Variants in MGME1 observed in about 807,000 individuals in gnomAD.
The protein encoded by MGME1 is mitochondrial genome maintenance exonuclease 1.
In MGME1, 22 loss-of-function variants were observed where a neutral mutation model predicts 33.0. That is an observed-to-expected ratio of 0.67 (90% CI 0.48 to 0.95). MGME1 has a LOEUF of 0.95. Ranked by LOEUF, MGME1 falls within the 40% of genes least tolerant of loss-of-function variation. The probability of loss-of-function intolerance (pLI) is 0.00; values close to 1 mark genes in which losing one functional copy is unlikely to be tolerated. For missense variants in MGME1, 383 were observed against 397.8 expected, an observed-to-expected ratio of 0.96 and a Z score of 0.32; for synonymous variants, 133 against 144.0, an observed-to-expected ratio of 0.92 and a Z score of 0.55.
At chr20:17,968,876 AG>A (rs2035628728), upstream of MGME1, 2 of 163,502 alleles carry the variant, frequency 1.2e-5, no homozygotes, top group African/African-American at 4.8e-5. Flanking sequence ...AGATCTCGTG[AG>A]AGCAGAAGGG....
chr20:17,979,815 C>T (rs1361641514), intron 3 of MGME1, among the ~76,000 whole-genome samples: 1 of 152,128 alleles, frequency 6.6e-6, no homozygotes, highest in Non-Finnish European at 1.5e-5. Flanking sequence ...ACTGCAGTCT[C>T]TAACTCCCCA....
Position 17,969,952 on chromosome 20 carries a change from C to G in MGME1, c.93C>G (p.Ser31=). The change falls in exon 2 of 5, where the codon TCC becomes TCG. Residue 31 remains serine (S), a synonymous_variant. Coordinates refer to ENST00000377710, the MANE Select transcript of MGME1 (RefSeq NM_052865.4). The stretch of plus-strand genomic sequence containing the variant: ...CTGCCCTTGTGGCTTTCTCTACTTC[C>G]TCTTACTCATGTGGCCGGAAGAAAA... ...ESAALVAFST[S]SYSCGRKKKV... is the part of the protein sequence containing the mutation. 6.2e-7 allele frequency: 1 copy of G among 1,614,200 alleles called. No homozygotes were observed. The highest frequency in any genetic ancestry group is 8.5e-7 in the Non-Finnish European group (1 of 1,180,028).
At chr20:17,979,642 T>G (rs2035956264) in intron 3 of MGME1, among the ~76,000 whole-genome samples, 1 of 150,344 alleles carries the variant, frequency 6.7e-6, no homozygotes, top group Admixed American at 6.6e-5. Flanking sequence ...GGTCTCGATC[T>G]CCTGACCTCG....
intron 2 of MGME1, among the ~76,000 whole-genome samples, chr20:17,972,974 C>T (rs2035767198): frequency 6.6e-6 from 1 of 152,146 alleles, no homozygotes; most frequent in Non-Finnish European, 1.5e-5. Context: ...AGTAGAATAA[C>T]TTAGTTCCTA....
At chr20:17,989,174 T>A (rs969281645) in intron 4 of MGME1, among the ~76,000 whole-genome samples, 10 of 151,832 alleles carry the variant, frequency 6.6e-5, no homozygotes, top group African/African-American at 2.4e-4. Context: ...TCACCTGATG[T>A]CAGGAGTTCA....
At chr20:17,984,547 TAAAC>T (rs949621172) in intron 3 of MGME1, among the ~76,000 whole-genome samples, 2 of 152,152 alleles carry the variant, frequency 1.3e-5, no homozygotes, top group African/African-American at 4.8e-5. Context: ...ATAATGGTAA[TAAAC>T]AACTATTACT....
In MGME1 at chr20:17,990,877, T is replaced by G. The variant is rs750119305; in HGVS notation, c.*768T>G. On this transcript the variant is annotated 3_prime_UTR_variant, in exon 5 of 5. Transcript: ENST00000377710. The stretch of plus-strand genomic sequence containing the variant: ...AGTCAATTATTGTTTGTGGAGTTTT[T>G]CAGCTATAGGGGAGGGGAACTATTA... 3 of 152,202 alleles carry G rather than the reference T, an allele frequency of 2.0e-5. No individual in the cohort carries two copies. The highest frequency in any genetic ancestry group is 6.5e-5 in the Admixed American group (1 of 15,276). 9.4% of individuals were successfully genotyped at this position (152,202 alleles called of 1,614,324 possible).
At chr20:17,968,632 C>A (rs1001632730), upstream of MGME1, 11 of 620,302 alleles carry the variant, frequency 1.8e-5, no homozygotes, top group Non-Finnish European at 2.6e-5. Context: ...CGTGCTCCCC[C>A]AGAGCAGCCT....
chr20:17,972,841 C>T, intron 2 of MGME1: 3 of 916,044 alleles, frequency 3.3e-6, no homozygotes, highest in Non-Finnish European at 3.9e-6. Flanking sequence ...TCTTCTGCTT[C>T]ATTAACCTAG....
intron 4 of MGME1, among the ~76,000 whole-genome samples, chr20:17,988,781 C>T (rs6136251): frequency 0.28 from 42,505 of 151,420 alleles, 6,200 homozygotes; most frequent in East Asian, 0.43. Flanking sequence ...CATTGCTTAA[C>T]GTCTTCCTTG....
chr20:17,980,199 T>C (rs2035974620), intron 3 of MGME1, among the ~76,000 whole-genome samples: 1 of 151,960 alleles, frequency 6.6e-6, no homozygotes, highest in South Asian at 2.1e-4. Flanking sequence ...CTCATTTTTG[T>C]ATTTTTCATA....
At chr20:17,981,060 C>G (rs1391999976) in intron 3 of MGME1, among the ~76,000 whole-genome samples, 3 of 152,132 alleles carry the variant, frequency 2.0e-5, no homozygotes, top group South Asian at 4.1e-4. Context: ...CTACCTCCTT[C>G]TAGTCTGCCT....
chr20:17,976,449 G>T (rs1257138772), intron 3 of MGME1, among the ~76,000 whole-genome samples: 1 of 151,956 alleles, frequency 6.6e-6, no homozygotes. Flanking sequence ...CCCTAACATG[G>T]CCTGTTTGCC....
chr20:17,972,290 A>C (rs1287130006), intron 2 of MGME1, among the ~76,000 whole-genome samples: 1 of 152,154 alleles, frequency 6.6e-6, no homozygotes, highest in Non-Finnish European at 1.5e-5. Context: ...AGAGCATAGA[A>C]ATGTGTCTGG....
intron 3 of MGME1, among the ~76,000 whole-genome samples, chr20:17,980,133 C>G (rs1241148698): frequency 6.6e-6 from 1 of 152,070 alleles, no homozygotes. Context: ...TCAAGTGATT[C>G]TCCTGCCTCA....
chr20:17,986,851 A>G (rs1020019617), intron 3 of MGME1, among the ~76,000 whole-genome samples: 1 of 151,680 alleles, frequency 6.6e-6, no homozygotes, highest in African/African-American at 2.4e-5. Context: ...TACATTTATT[A>G]AGTTCTACAA....
At chr20:17,980,808 CAAA>C (rs11087236) in intron 3 of MGME1, among the ~76,000 whole-genome samples, 1 of 130,884 alleles carries the variant, frequency 7.6e-6, no homozygotes. Flanking sequence ...GACTCCATCT[CAAA>C]AAAAAAAAAA....
In MGME1 at chr20:17,969,976, A is replaced by T. The variant is rs2035675824; in HGVS notation, c.117A>T (p.Lys39Asn). 1 of 1,614,088 alleles carries T rather than the reference A, an allele frequency of 6.2e-7. No homozygotes were observed. The highest frequency in any genetic ancestry group is 1.3e-5 in the African/African-American group (1 of 74,914). ...STSSYSCGRKKKVNPYEEVDQ... is the reference protein window; with the variant it reads ...STSSYSCGRKNKVNPYEEVDQ... ...CCTCTTACTCATGTGGCCGGAAGAA[A>T]AAAGTGAACCCATATGAAGAAGTGG... Residue 39 changes from lysine to asparagine, a missense_variant, in exon 2 of 5, where the codon AAA becomes AAT. Transcript: ENST00000377710.
intron 3 of MGME1, among the ~76,000 whole-genome samples, chr20:17,980,170 C>G (rs1398157073): frequency 6.6e-6 from 1 of 151,940 alleles, no homozygotes; most frequent in Non-Finnish European, 1.5e-5. Context: ...GGATTACAGG[C>G]GCCTGCTACC....
Sources: allele counts gnomAD v4.1 joint callset (sites outside exome capture counted in the v4.1 genomes callset), GRCh38; gene constraint gnomAD v4.1.1; transcripts MANE v1.5; gene names NCBI Gene and HGNC (gene_info 2026-07-23, HGNC 2026-07-21).